The following DCUN1D3 variants were observed in gnomAD, a reference collection of about 807,000 sequenced individuals.
The protein encoded by DCUN1D3 is DCN1-like protein 3.
A neutral mutation model predicts 24.8 loss-of-function variants in DCUN1D3; 6 were observed. That is an observed-to-expected ratio of 0.24 (90% confidence interval 0.13 to 0.48). DCUN1D3 has a LOEUF of 0.48. Ranked by LOEUF, DCUN1D3 falls within the 20% of genes least tolerant of loss-of-function variation. The probability of loss-of-function intolerance (pLI) is 0.99; values close to 1 mark genes in which losing one functional copy is unlikely to be tolerated. For missense variants in DCUN1D3, 258 were observed against 379.4 expected (o/e 0.68, Z 2.66); for synonymous variants, 120 against 144.9 (o/e 0.83, Z 1.24).
intron 2 of DCUN1D3, 89 bp downstream of exon 2, chr16:20,862,019 C>T: frequency 1.6e-5 from 23 of 1,441,384 alleles, no homozygotes; most frequent in Non-Finnish European, 2.2e-5. Context: ...ATGAAGCCAA[C>T]CCAGTCCTAT....
chr16:20,872,473 T>TAAAAAA (rs539641152), intron 1 of DCUN1D3, among the ~76,000 whole-genome samples: 1 of 138,392 alleles, frequency 7.2e-6, no homozygotes. Flanking sequence ...TGCTAATTCT[T>TAAAAAA]AAAAAAAAAA....
Position 20,859,703 on chromosome 16 carries a change from C to T in DCUN1D3, c.*183G>A. 1.3e-6 allele frequency: 1 copy of T among 779,774 alleles called. No individual in the cohort carries two copies. Among genetic ancestry groups the T allele is most frequent in the Non-Finnish European group, 1.9e-6 (1 of 537,762 alleles). 48.3% of individuals were successfully genotyped at this position (779,774 alleles called of 1,614,324 possible). ...CCCAAAAAGGAAATAACCAAAATAA[C>T]CAAAAAAATGAAGAAAGTGCCTAAA... On this transcript the variant is annotated 3_prime_UTR_variant, in exon 3 of 3. Transcript: ENST00000324344.
chr16:20,893,924 A>C (rs867931483), intron 1 of DCUN1D3, among the ~76,000 whole-genome samples: 1 of 152,352 alleles, frequency 6.6e-6, no homozygotes, highest in Middle Eastern at 3.4e-3. Flanking sequence ...TAGAGAGCTA[A>C]AAGCTGTAAC....
Position 20,859,879 on chromosome 16 carries a change from A to C in DCUN1D3, c.*7T>G. On this transcript the variant is annotated 3_prime_UTR_variant, in exon 3 of 3. Transcript: ENST00000324344. ...AGATCCTTGCTGCTGCTCCTGGGACAGAGCCACTAAGTCTGCTCCTCGGGA... is the reference window on the plus strand; with the variant it reads ...AGATCCTTGCTGCTGCTCCTGGGACCGAGCCACTAAGTCTGCTCCTCGGGA... 6.3e-7 allele frequency: 1 copy of C among 1,595,146 alleles called. No individual in the cohort carries two copies.
intron 1 of DCUN1D3, among the ~76,000 whole-genome samples, chr16:20,865,767 G>C (rs1175853473): frequency 6.6e-6 from 1 of 152,126 alleles, no homozygotes; most frequent in African/African-American, 2.4e-5. Context: ...AAAATACTTG[G>C]CTTCCTCCAA....
intron 1 of DCUN1D3, among the ~76,000 whole-genome samples, chr16:20,880,178 C>T (rs1047467597): frequency 6.6e-6 from 1 of 152,116 alleles, no homozygotes; most frequent in Non-Finnish European, 1.5e-5. Context: ...GGGACAAAAA[C>T]ATTCATGGCT....
rs1254832217 is a variant in DCUN1D3, at chr16:20,860,009, C to T, written c.792G>A (p.Glu264=). The stretch of plus-strand genomic sequence containing the variant: ...AGGTGTCAAAGAGACTTGGCCAGGC[C>T]TCATCTTCACTGTAGTTGCTGAGGT... ...GPDLSNYSED[E]AWPSLFDTFV... The change falls in exon 3 of 3, where the codon GAG becomes GAA. Residue 264 remains glutamate (E), a synonymous_variant. Coordinates refer to ENST00000324344, the MANE Select transcript of DCUN1D3 (RefSeq NM_173475.4). The surrounding 1 kb of genome is among the most constrained non-coding windows in gnomAD (Gnocchi z 4.3). The T allele has an allele frequency of 2.5e-6, 4 of 1,614,256 alleles. No individual in the cohort carries two copies. The South Asian group carries it at 3.3e-5, about 13-fold the overall frequency.
At chr16:20,895,221 A>T (rs1596642453) in intron 1 of DCUN1D3, among the ~76,000 whole-genome samples, 1 of 151,938 alleles carries the variant, frequency 6.6e-6, no homozygotes, top group Non-Finnish European at 1.5e-5. Flanking sequence ...TAGCCACCCC[A>T]GTAGCTGGGA....
At chr16:20,883,963 T>C (rs1264828760) in intron 1 of DCUN1D3, among the ~76,000 whole-genome samples, 1 of 152,228 alleles carries the variant, frequency 6.6e-6, no homozygotes, top group Non-Finnish European at 1.5e-5. Context: ...TTCAAGTTTC[T>C]AACATCCTAA....
chr16:20,862,731 C>CATGGAAATAGAGCGG, intron 1 of DCUN1D3, 88 bp from the exon 2 acceptor site: 1 of 1,266,872 alleles, frequency 7.9e-7, no homozygotes, highest in Non-Finnish European at 1.1e-6. Flanking sequence ...GTTCACCGCT[C>CATGGAAATAGAGCGG]TATTTCCATG....
intron 1 of DCUN1D3, among the ~76,000 whole-genome samples, chr16:20,871,852 G>A (rs1160171872): frequency 6.6e-6 from 1 of 152,204 alleles, no homozygotes; most frequent in African/African-American, 2.4e-5. Context: ...CATCATAAAT[G>A]GGCACCAAAT....
rs2081717336 is a variant in DCUN1D3, at chr16:20,859,402, A to T, written c.*484T>A. ...TAATTATTACAACCTAAATTCATCT[A>T]TGTAAACAGCACTACACACAGTACA... On this transcript the variant is annotated 3_prime_UTR_variant, in exon 3 of 3. Transcript: ENST00000324344. 1 of 152,918 alleles carries T rather than the reference A, an allele frequency of 6.5e-6. No individual in the cohort carries two copies. The highest frequency in any genetic ancestry group is 1.5e-5 in the Non-Finnish European group (1 of 68,304). 9.5% of individuals were successfully genotyped at this position (152,918 alleles called of 1,614,324 possible). A position where few individuals can be genotyped will look rare whatever the true frequency, so the allele number is the denominator to read the frequency against.
At chr16:20,887,065 G>C (rs1158908276) in intron 1 of DCUN1D3, among the ~76,000 whole-genome samples, 1 of 152,206 alleles carries the variant, frequency 6.6e-6, no homozygotes, top group Non-Finnish European at 1.5e-5. Flanking sequence ...TGTAATCCCA[G>C]CACTTTGGGA....
At chr16:20,892,752 G>A (rs2081897766) in intron 1 of DCUN1D3, among the ~76,000 whole-genome samples, 1 of 151,940 alleles carries the variant, frequency 6.6e-6, no homozygotes, top group African/African-American at 2.4e-5. Flanking sequence ...TTTGGGGTTG[G>A]TTTGGGGGGG....
intron 1 of DCUN1D3, among the ~76,000 whole-genome samples, chr16:20,883,592 TA>T (rs1301483369): frequency 6.6e-6 from 1 of 152,220 alleles, no homozygotes; most frequent in Non-Finnish European, 1.5e-5. Flanking sequence ...TCAGAAGTAT[TA>T]AATACTGGAG....
intron 1 of DCUN1D3, among the ~76,000 whole-genome samples, chr16:20,867,935 TTG>T: frequency 6.6e-6 from 1 of 152,346 alleles, no homozygotes; most frequent in East Asian, 1.9e-4. Flanking sequence ...CAGGATTTCC[TTG>T]TGATTGATCC....
Position 20,862,497 on chromosome 16 carries a change from G to C in DCUN1D3, c.42C>G (p.Thr14=). ...CACGGTCTCCATTTTTGCTGCCCAG[G>C]GTCGATGAGGGATTCTTACACTTGG... The part of the protein sequence containing the change: ...CVTKCKNPSS[T]LGSKNGDREP... The change falls in exon 2 of 3, where the codon ACC becomes ACG. Residue 14 remains threonine (T), a synonymous_variant. Transcript: ENST00000324344. 1 of 1,609,088 alleles carries C rather than the reference G, an allele frequency of 6.2e-7. No homozygotes were observed. The highest frequency in any genetic ancestry group is 8.5e-7 in the Non-Finnish European group (1 of 1,179,968).
chr16:20,862,840 T>C (rs2081740730), intron 1 of DCUN1D3, among the ~76,000 whole-genome samples, 197 bp from the exon 2 acceptor site: 1 of 152,146 alleles, frequency 6.6e-6, no homozygotes, highest in Non-Finnish European at 1.5e-5. Context: ...GGGGCACATA[T>C]GGAGAACCAA....
chr16:20,858,062 C>T lies in DCUN1D3; in HGVS notation c.*1824G>A, dbSNP rs1348275877. 1 of 152,648 alleles carries T rather than the reference C, an allele frequency of 6.6e-6. No homozygotes were observed. Among genetic ancestry groups the T allele is most frequent in the Non-Finnish European group, 1.5e-5 (1 of 68,052 alleles). 9.5% of individuals were successfully genotyped at this position (152,648 alleles called of 1,614,324 possible). A position where few individuals can be genotyped will look rare whatever the true frequency, so the allele number is the denominator to read the frequency against. ...TTTAACAGACAAAGTCTCATTACCT[C>T]AAGAGTATAAATATTTTTATACGTT... is the stretch of plus-strand genomic sequence containing the variant. On this transcript the variant is annotated 3_prime_UTR_variant, in exon 3 of 3. Transcript: ENST00000324344.
Sources: allele counts gnomAD v4.1 joint callset (sites outside exome capture counted in the v4.1 genomes callset), GRCh38; gene constraint gnomAD v4.1.1; non-coding constraint Gnocchi (gnomAD v3.1); transcripts MANE v1.5; gene names NCBI Gene and HGNC (gene_info 2026-07-23, HGNC 2026-07-21).